TPTE2: variants seen among roughly 807,000 people sequenced by gnomAD.
TPTE2 encodes transmembrane phosphoinositide 3-phosphatase and tensin homolog 2, also known as phosphatidylinositol 3,4,5-trisphosphate 3-phosphatase TPTE2.
Under a neutral mutation model 78.6 loss-of-function variants are expected in TPTE2, and 53 were observed. The ratio of observed to expected loss-of-function variants is 0.67; its 90% CI spans 0.54 to 0.85. The LOEUF (loss-of-function observed/expected upper bound fraction) is 0.85, where lower values mean the gene tolerates loss of function less well. TPTE2 is among the 40% of genes least tolerant of loss of function. The pLI is 0.00. For missense variants in TPTE2, 461 were observed against 623.0 expected (o/e 0.74, Z 2.77); for synonymous variants, 175 against 206.2 (o/e 0.85, Z 1.30).
intron 13 of TPTE2, among the ~76,000 whole-genome samples, chr13:19,444,638 T>G (rs1315585001): frequency 1.3e-5 from 2 of 152,264 alleles, no homozygotes; most frequent in Middle Eastern, 3.4e-3. Flanking sequence ...CCCCAGTCTA[T>G]AAATTCAATG....
exon 1 of TPTE2, chr13:19,536,686 C>G (rs1423690001): frequency 6.6e-6 from 1 of 152,074 alleles, no homozygotes; most frequent in Non-Finnish European, 1.5e-5. Context: ...TGTTCCATTG[C>G]AAGGATAAAC....
chr13:19,548,110 G>C, the TPTE2 span, among the ~76,000 whole-genome samples: 2 of 152,070 alleles, frequency 1.3e-5, no homozygotes, highest in Non-Finnish European at 2.9e-5. Flanking sequence ...TTTAAATATT[G>C]AATACTTTTA....
the TPTE2 span, among the ~76,000 whole-genome samples, chr13:19,547,003 T>C: frequency 1.3e-5 from 2 of 151,416 alleles, no homozygotes; most frequent in African/African-American, 4.9e-5. Flanking sequence ...CCTAGAACAA[T>C]GATTGTAAAC....
At chr13:19,497,360 CA>C (rs1222774126) in intron 1 of TPTE2, among the ~76,000 whole-genome samples, 1 of 135,594 alleles carries the variant, frequency 7.4e-6, no homozygotes, top group African/African-American at 2.6e-5. Flanking sequence ...CACAGACAAA[CA>C]AAAAGACAGC....
intron 18 of TPTE2, chr13:19,425,587 T>G (rs1329124433): frequency 2.9e-6 from 1 of 349,732 alleles, no homozygotes; most frequent in Non-Finnish European, 5.6e-6. Flanking sequence ...ACCCCCATAC[T>G]CCGCAGGGAC....
chr13:19,439,234 A>G, intron 13 of TPTE2, among the ~76,000 whole-genome samples: 1 of 152,122 alleles, frequency 6.6e-6, no homozygotes, highest in Non-Finnish European at 1.5e-5. Context: ...GATCAAGTAC[A>G]CAGCCAGCGG....
intron 10 of TPTE2, among the ~76,000 whole-genome samples, chr13:19,461,562 C>G (rs1225176028): frequency 1.3e-5 from 2 of 152,150 alleles, no homozygotes; most frequent in Admixed American, 1.3e-4. Context: ...TGTTGATTTT[C>G]TGTCTAGATG....
At chr13:19,531,561 G>A (rs1870868114) in intron 1 of TPTE2, among the ~76,000 whole-genome samples, 1 of 151,424 alleles carries the variant, frequency 6.6e-6, no homozygotes. Flanking sequence ...TGTCAGTTTG[G>A]TCTATTTTTA....
Position 19,488,870 on chromosome 13 carries a change from C to T in TPTE2, c.119+3980G>A, listed in dbSNP as rs185533670. Among the ~76,000 whole-genome samples, 826 of 152,208 alleles carry T rather than the reference C, an allele frequency of 5.4e-3. 8 individuals carry two copies. The highest frequency in any genetic ancestry group is 0.018 in the African/African-American group (764 of 41,510). ...TTTGTTTTTGTTTTTGTTTTACATT[C>T]ACAACTTGGCTGAACTGCTACAAGA... On this transcript the variant is annotated intron_variant, in intron 3 of 19. Coordinates refer to ENST00000400230, the Ensembl canonical transcript of TPTE2.
intron 1 of TPTE2, among the ~76,000 whole-genome samples, chr13:19,518,538 G>A (rs1431686395): frequency 6.6e-6 from 1 of 152,168 alleles, no homozygotes; most frequent in African/African-American, 2.4e-5. Context: ...GAGAAATGCA[G>A]ATTAAAACTA....
At chr13:19,441,724 C>T (rs1361941187) in intron 13 of TPTE2, among the ~76,000 whole-genome samples, 1 of 152,166 alleles carries the variant, frequency 6.6e-6, no homozygotes, top group African/African-American at 2.4e-5. Context: ...ATATTGACAG[C>T]ATTTTCTTTA....
chr13:19,556,161 C>T, the TPTE2 span, among the ~76,000 whole-genome samples: 5 of 152,170 alleles, frequency 3.3e-5, no homozygotes, highest in African/African-American at 7.2e-5. Context: ...TGGGGAGAGG[C>T]GATTCATTGT....
chr13:19,484,547 A>G (rs1315988828), intron 3 of TPTE2, among the ~76,000 whole-genome samples: 1 of 152,140 alleles, frequency 6.6e-6, no homozygotes, highest in African/African-American at 2.4e-5. Context: ...GATTTGCCCA[A>G]TGCTGAGAGT....
At chr13:19,520,511 C>G (rs898630303) in intron 1 of TPTE2, among the ~76,000 whole-genome samples, 3 of 151,376 alleles carry the variant, frequency 2.0e-5, no homozygotes, top group African/African-American at 7.3e-5. Context: ...TTTTCTTGAT[C>G]AGGCTAGCTA....
chr13:19,442,699 C>T (rs1351760727), intron 13 of TPTE2, among the ~76,000 whole-genome samples: 2 of 151,700 alleles, frequency 1.3e-5, no homozygotes, highest in African/African-American at 4.8e-5. Flanking sequence ...GAGAAGGCAC[C>T]AAGAAAGCAA....
At position 19,427,604 on chromosome 13, in the gene TPTE2, C is replaced by T. The variant is rs186191948; in HGVS notation, c.1303-1087G>A. Among the ~76,000 whole-genome samples the T allele has an allele frequency of 1.9e-3, 293 of 152,148 alleles. 3 individuals are homozygous for T. Among genetic ancestry groups the T allele is most frequent in the South Asian group, 0.015 (71 of 4,828 alleles). On this transcript the variant is annotated intron_variant, in intron 17 of 19. Coordinates refer to ENST00000400230, the Ensembl canonical transcript of TPTE2. The stretch of plus-strand genomic sequence containing the variant: ...TTTATTTTCTAAATTTAAAAAATAA[C>T]AACAGGGGTCTGTAACACTTGGGGG...
exon 13 of TPTE2, chr13:19,450,158 C>A: frequency 4.3e-6 from 7 of 1,611,158 alleles, no homozygotes; most frequent in Non-Finnish European, 5.9e-6. Context: ...TGAAAACCAC[C>A]ATCTCACTGA....
At chr13:19,522,769 C>A (rs1187311255) in intron 1 of TPTE2, among the ~76,000 whole-genome samples, 2 of 151,492 alleles carry the variant, frequency 1.3e-5, no homozygotes, top group Non-Finnish European at 2.9e-5. Context: ...ACTACAGGCA[C>A]CCGCCACCAT....
chr13:19,482,943 C>T (rs1355915887), intron 3 of TPTE2, among the ~76,000 whole-genome samples: 1 of 152,168 alleles, frequency 6.6e-6, no homozygotes, highest in Non-Finnish European at 1.5e-5. Flanking sequence ...AAGCAACTCA[C>T]ACAAATGTTT....
Sources: gnomAD v4.1 joint callset for allele counts (sites outside exome capture counted in the v4.1 genomes callset) on GRCh38, gnomAD v4.1.1 for gene constraint, MANE v1.5 for transcripts, NCBI Gene and HGNC (gene_info 2026-07-23, HGNC 2026-07-21) for gene names.